Variants in CTNNA2 observed in about 807,000 individuals in gnomAD.
The protein encoded by CTNNA2 is catenin alpha 2, also known as catenin alpha-2.
Under a neutral mutation model 101.0 loss-of-function variants are expected in CTNNA2, and 42 were observed. That is an observed-to-expected ratio of 0.42 (90% CI 0.32 to 0.54). The LOEUF (loss-of-function observed/expected upper bound fraction) is 0.54, where lower values mean the gene tolerates loss of function less well. CTNNA2 is among the 20% of genes least tolerant of loss of function. The pLI, the probability that CTNNA2 is intolerant of heterozygous loss-of-function variation, is 0.14. For synonymous variants in CTNNA2, 450 were observed against 456.4 expected (o/e 0.99, Z 0.18); for missense variants, 871 against 1,223.1 (o/e 0.71, Z 4.29).
chr2:79,981,211 C>T (rs1472491693), intron 7 of CTNNA2, among the ~76,000 whole-genome samples: 1 of 152,006 alleles, frequency 6.6e-6, no homozygotes, highest in East Asian at 1.9e-4. Flanking sequence ...AAAAACAGGA[C>T]TCAGAAAACC....
chr2:79,414,987 C>A (rs1217330594), intron 4 of CTNNA2, among the ~76,000 whole-genome samples: 2 of 152,130 alleles, frequency 1.3e-5, no homozygotes, highest in African/African-American at 2.4e-5. Context: ...AGTTTTGGGG[C>A]AGTTTGTTAC....
chr2:79,968,338 CT>C (rs1190394888), intron 7 of CTNNA2, among the ~76,000 whole-genome samples: 4 of 152,112 alleles, frequency 2.6e-5, no homozygotes, highest in African/African-American at 9.7e-5. Flanking sequence ...TTAGGGCATT[CT>C]TTGTAAAATA....
intron 7 of CTNNA2, among the ~76,000 whole-genome samples, chr2:80,022,683 G>A (rs1694651430): frequency 6.6e-6 from 1 of 152,108 alleles, no homozygotes; most frequent in East Asian, 1.9e-4. Flanking sequence ...CCTAGGTAAG[G>A]AAACAACATG....
chr2:80,325,380 A>G (rs1218016256), intron 7 of CTNNA2, among the ~76,000 whole-genome samples: 1 of 152,244 alleles, frequency 6.6e-6, no homozygotes, highest in African/African-American at 2.4e-5. Flanking sequence ...GCACCAAACC[A>G]GACATTCAAG....
chr2:80,633,981 A>G (rs138503873), intron 18 of CTNNA2, among the ~76,000 whole-genome samples: 31 of 152,292 alleles, frequency 2.0e-4, no homozygotes, highest in African/African-American at 7.5e-4. Context: ...TCTCCTGACA[A>G]TCTCATGTAT....
intron 7 of CTNNA2, among the ~76,000 whole-genome samples, chr2:79,919,091 C>A (rs1558641364): frequency 6.6e-6 from 1 of 152,130 alleles, no homozygotes; most frequent in Admixed American, 6.5e-5. Context: ...GGCCAAGCCT[C>A]CTCTTGGTAG....
rs1177678539 is a variant in CTNNA2 at position 80,619,067 on chromosome 2, G to A, written c.2431-18G>A. Reference sequence around the variant, plus strand: ...CTCTCTCTCTCATTCTCTCTTTTCTGTATCTCTCGGAAATCAGACAGGAGT... The same window carrying A: ...CTCTCTCTCTCATTCTCTCTTTTCTATATCTCTCGGAAATCAGACAGGAGT... On this transcript the variant is annotated intron_variant, in intron 17 of 18. Transcript: ENST00000402739. 1 of 1,328,314 alleles carries A rather than the reference G, an allele frequency of 7.5e-7. No homozygotes were observed. Among genetic ancestry groups the A allele is most frequent in the Non-Finnish European group, 9.7e-7 (1 of 1,025,700 alleles). 82.3% of individuals were successfully genotyped at this position (1,328,314 alleles called of 1,614,324 possible).
chr2:79,901,526 G>GA (rs1257485424), intron 6 of CTNNA2, among the ~76,000 whole-genome samples: 2 of 151,826 alleles, frequency 1.3e-5, no homozygotes, highest in Non-Finnish European at 2.9e-5. Context: ...TTAGATTTTG[G>GA]AAAAAAAGTT....
intron 3 of CTNNA2, among the ~76,000 whole-genome samples, chr2:79,332,624 A>T (rs915568575): frequency 6.6e-6 from 1 of 152,224 alleles, no homozygotes; most frequent in African/African-American, 2.4e-5. Flanking sequence ...CATACGTTTT[A>T]AAAATGGTCA....
chr2:79,610,826 A>G (rs62140089), intron 1 of CTNNA2, among the ~76,000 whole-genome samples: 6,913 of 152,156 alleles, frequency 0.045, 221 homozygotes, highest in Non-Finnish European at 0.065. Flanking sequence ...CAAATTATCA[A>G]ATTGTACACC....
intron 1 of CTNNA2, among the ~76,000 whole-genome samples, chr2:79,604,687 A>C (rs1441849023): frequency 6.6e-6 from 1 of 152,204 alleles, no homozygotes; most frequent in Non-Finnish European, 1.5e-5. Context: ...GAATGTGCTG[A>C]GTATTCACAT....
At chr2:79,855,273 C>T (rs1681039505) in intron 3 of CTNNA2, among the ~76,000 whole-genome samples, 1 of 152,082 alleles carries the variant, frequency 6.6e-6, no homozygotes, top group Admixed American at 6.6e-5. Flanking sequence ...TCTGCTGAGC[C>T]ACTCTTGGGG....
intron 2 of CTNNA2, among the ~76,000 whole-genome samples, chr2:79,302,716 G>T (rs537473488): frequency 6.6e-6 from 1 of 152,236 alleles, no homozygotes; most frequent in Non-Finnish European, 1.5e-5. Flanking sequence ...GAACTAATAT[G>T]AATTGAGTGT....
intron 7 of CTNNA2, among the ~76,000 whole-genome samples, chr2:80,176,928 T>A (rs1573308142): frequency 6.6e-6 from 1 of 152,280 alleles, no homozygotes; most frequent in East Asian, 1.9e-4. Flanking sequence ...GACGCTTCCA[T>A]TTCCATCCCT....
At chr2:79,520,312 G>T (rs1449884037) in intron 1 of CTNNA2, among the ~76,000 whole-genome samples, 2 of 152,082 alleles carry the variant, frequency 1.3e-5, no homozygotes, top group Non-Finnish European at 2.9e-5. Context: ...ATTGATATAG[G>T]TTGAATCACA....
chr2:80,389,368 G>T (rs1457681375), intron 7 of CTNNA2, among the ~76,000 whole-genome samples: 2 of 152,040 alleles, frequency 1.3e-5, no homozygotes, highest in African/African-American at 2.4e-5. Context: ...GGATCATGGA[G>T]GCTAATAATA....
At chr2:79,562,699 G>T (rs1674854310) in intron 1 of CTNNA2, among the ~76,000 whole-genome samples, 1 of 152,070 alleles carries the variant, frequency 6.6e-6, no homozygotes, top group Non-Finnish European at 1.5e-5. Flanking sequence ...AGCATGAAAA[G>T]AAATGCTTTG....
At chr2:79,322,945 T>C (rs903873338) in intron 3 of CTNNA2, among the ~76,000 whole-genome samples, 5 of 152,220 alleles carry the variant, frequency 3.3e-5, no homozygotes, top group Non-Finnish European at 7.3e-5. Flanking sequence ...AGTTTCCAAG[T>C]TTCTATGCCT....
At chr2:80,044,518 G>A (rs971743503) in intron 7 of CTNNA2, among the ~76,000 whole-genome samples, 1 of 152,088 alleles carries the variant, frequency 6.6e-6, no homozygotes, top group African/African-American at 2.4e-5. Context: ...ATTGTCTCCT[G>A]AGTACCAAAT....
Sources: gnomAD v4.1 joint callset for allele counts (sites outside exome capture counted in the v4.1 genomes callset) on GRCh38, gnomAD v4.1.1 for gene constraint, MANE v1.5 for transcripts, NCBI Gene and HGNC (gene_info 2026-07-23, HGNC 2026-07-21) for gene names.